The following NKAIN2 variants were observed in gnomAD, a reference collection of about 807,000 sequenced individuals.
NKAIN2 encodes sodium/potassium transporting ATPase interacting 2.
Under a neutral mutation model 32.6 loss-of-function variants are expected in NKAIN2, and 14 were observed. The observed-to-expected ratio is 0.43, with a 90% confidence interval of 0.28 to 0.67. The LOEUF (loss-of-function observed/expected upper bound fraction) is 0.67. Among genes scored for constraint, NKAIN2 ranks in the 30% least tolerant of loss-of-function variants. NKAIN2 has a pLI of 0.17. For missense variants in NKAIN2, 198 were observed against 258.3 expected (o/e 0.77, Z 1.60); for synonymous variants, 80 against 87.2 (o/e 0.92, Z 0.46).
chr6:124,256,767 A>G (rs1003564254), intron 1 of NKAIN2, among the ~76,000 whole-genome samples: 3 of 152,156 alleles, frequency 2.0e-5, no homozygotes, highest in African/African-American at 4.8e-5. Context: ...TGTAAACACT[A>G]ATAAACAGTA....
chr6:124,783,121 C>T (rs1198327782), intron 4 of NKAIN2, among the ~76,000 whole-genome samples: 1 of 152,020 alleles, frequency 6.6e-6, no homozygotes, highest in Non-Finnish European at 1.5e-5. Flanking sequence ...ATATGTAAAC[C>T]CTGAGAGAGG....
chr6:124,223,404 G>A (rs1791938657), intron 1 of NKAIN2, among the ~76,000 whole-genome samples: 1 of 152,020 alleles, frequency 6.6e-6, no homozygotes. Context: ...GAATTCTGAA[G>A]CAGAGTCCCA....
chr6:123,914,883 A>G (rs1775410888), intron 1 of NKAIN2, among the ~76,000 whole-genome samples: 1 of 152,134 alleles, frequency 6.6e-6, no homozygotes, highest in Non-Finnish European at 1.5e-5. Context: ...ATGCTTTTGG[A>G]GTCTCTATGT....
intron 1 of NKAIN2, among the ~76,000 whole-genome samples, chr6:123,958,764 C>T (rs1353442050): frequency 2.0e-5 from 3 of 152,324 alleles, no homozygotes; most frequent in Non-Finnish European, 4.4e-5. Context: ...GGGGCCTAGG[C>T]TGAATCGCTA....
chr6:124,194,194 A>T (rs1306291030), intron 1 of NKAIN2, among the ~76,000 whole-genome samples: 1 of 149,418 alleles, frequency 6.7e-6, no homozygotes, highest in Non-Finnish European at 1.5e-5. Context: ...ACTGCCCCTA[A>T]CCTGCTTGAA....
chr6:123,852,664 C>T (rs1028233615), intron 1 of NKAIN2, among the ~76,000 whole-genome samples: 1 of 152,116 alleles, frequency 6.6e-6, no homozygotes, highest in African/African-American at 2.4e-5. Flanking sequence ...TACTATTCAG[C>T]CTTTAAAAAG....
chr6:124,543,439 T>C (rs1458618993), intron 3 of NKAIN2, among the ~76,000 whole-genome samples: 1 of 152,204 alleles, frequency 6.6e-6, no homozygotes, highest in Non-Finnish European at 1.5e-5. Context: ...TTATTTTTAT[T>C]AGATATAACT....
At chr6:123,804,374 G>A (rs1362659093) in intron 1 of NKAIN2, 120 bp downstream of exon 1, 2 of 873,894 alleles carry the variant, frequency 2.3e-6, no homozygotes, top group Non-Finnish European at 3.9e-6. Flanking sequence ...GAAGGTGACA[G>A]ATATATTGCC....
chr6:124,376,591 A>G (rs1006765678), intron 3 of NKAIN2, among the ~76,000 whole-genome samples: 1 of 152,146 alleles, frequency 6.6e-6, no homozygotes, highest in Non-Finnish European at 1.5e-5. Flanking sequence ...TCTCTTTATT[A>G]AATCAGAGAA....
chr6:124,158,589 C>T (rs1788106204), intron 1 of NKAIN2, among the ~76,000 whole-genome samples: 1 of 152,142 alleles, frequency 6.6e-6, no homozygotes, highest in Admixed American at 6.6e-5. Flanking sequence ...CACTCATCTT[C>T]AAATGATGAC....
At chr6:124,254,113 C>T (rs946012248) in intron 1 of NKAIN2, among the ~76,000 whole-genome samples, 9 of 151,554 alleles carry the variant, frequency 5.9e-5, no homozygotes, top group Non-Finnish European at 1.0e-4. Flanking sequence ...CCACCGCTCC[C>T]GGCTAATTTT....
chr6:124,724,922 T>C (rs1288565882), intron 4 of NKAIN2, among the ~76,000 whole-genome samples: 1 of 152,248 alleles, frequency 6.6e-6, no homozygotes, highest in Non-Finnish European at 1.5e-5. Flanking sequence ...TAGTTCCAAG[T>C]TGAGTTGATC....
At chr6:124,759,641 A>G (rs1008806382) in intron 4 of NKAIN2, among the ~76,000 whole-genome samples, 1 of 92,838 alleles carries the variant, frequency 1.1e-5, no homozygotes, top group Non-Finnish European at 2.5e-5. Context: ...ACACACACAC[A>G]CACACACACA....
In NKAIN2 at chr6:124,016,570, T is replaced by G. The variant is rs188480567; in HGVS notation, c.54+212316T>G. On this transcript the variant is annotated intron_variant, in intron 1 of 6. Transcript: ENST00000368417. ...TGCTCAGTTTTCTCCCCTCAAGGAA[T>G]TTCACTTTCTCTGAGCCTACTACTC... Among the ~76,000 whole-genome samples, 394 of 152,252 alleles carry G rather than the reference T, an allele frequency of 2.6e-3. 1 individual carries two copies. The highest frequency in any genetic ancestry group is 4.8e-3 in the Non-Finnish European group (324 of 68,008).
chr6:124,753,881 T>C (rs1777841761), intron 4 of NKAIN2, among the ~76,000 whole-genome samples: 1 of 152,092 alleles, frequency 6.6e-6, no homozygotes, highest in African/African-American at 2.4e-5. Context: ...ATTGTCCCAA[T>C]GGAAGGATTA....
chr6:124,326,671 G>A (rs1797429764), intron 2 of NKAIN2, among the ~76,000 whole-genome samples: 1 of 152,184 alleles, frequency 6.6e-6, no homozygotes, highest in South Asian at 2.1e-4. Context: ...TTCCTTCAGG[G>A]TACTGCTCTA....
chr6:124,571,716 T>C (rs1781134878), intron 3 of NKAIN2, among the ~76,000 whole-genome samples: 1 of 152,184 alleles, frequency 6.6e-6, no homozygotes, highest in Non-Finnish European at 1.5e-5. Context: ...TCCTCACATA[T>C]GCTTAATTTT....
chr6:123,903,965 C>A (rs777324559), intron 1 of NKAIN2, among the ~76,000 whole-genome samples: 1 of 151,308 alleles, frequency 6.6e-6, no homozygotes, highest in Non-Finnish European at 1.5e-5. Flanking sequence ...TGGTGGCTCA[C>A]GCCTGTAATC....
intron 1 of NKAIN2, among the ~76,000 whole-genome samples, chr6:124,015,160 T>C (rs1780505547): frequency 6.6e-6 from 1 of 152,204 alleles, no homozygotes; most frequent in East Asian, 1.9e-4. Context: ...TTTCTTTGCA[T>C]ATAGAATGCA....
Sources: gnomAD v4.1 joint callset for allele counts (sites outside exome capture counted in the v4.1 genomes callset) on GRCh38, gnomAD v4.1.1 for gene constraint, MANE v1.5 for transcripts, NCBI Gene and HGNC (gene_info 2026-07-23, HGNC 2026-07-21) for gene names.